PRMT3: variants seen among roughly 807,000 people sequenced by gnomAD.
PRMT3 encodes the protein protein arginine methyltransferase 3, also known as protein arginine N-methyltransferase 3.
Under a neutral mutation model 71.9 loss-of-function variants are expected in PRMT3, and 62 were observed. That is an observed-to-expected ratio of 0.86 (90% confidence interval 0.70 to 1.07). The LOEUF is 1.07. Ranked by LOEUF, PRMT3 falls within the 50% of genes least tolerant of loss-of-function variation. The pLI is 0.00. For synonymous variants in PRMT3, 213 were observed against 220.4 expected, an observed-to-expected ratio of 0.97 and a Z score of 0.30; for missense variants, 663 against 643.0, an observed-to-expected ratio of 1.03 and a Z score of -0.34.
intron 10 of PRMT3, among the ~76,000 whole-genome samples, chr11:20,432,364 A>G (rs1355516959): frequency 6.6e-6 from 1 of 152,098 alleles, no homozygotes; most frequent in Non-Finnish European, 1.5e-5. Context: ...TACAGCTTAC[A>G]TTTGTAGGCA....
intron 10 of PRMT3, among the ~76,000 whole-genome samples, chr11:20,451,512 A>G (rs949719819): frequency 6.6e-6 from 1 of 151,764 alleles, no homozygotes; most frequent in African/African-American, 2.4e-5. Flanking sequence ...TTTTAATACC[A>G]AAAAGAAAGT....
chr11:20,478,485 TG>T (rs1850850470), intron 13 of PRMT3, among the ~76,000 whole-genome samples: 1 of 151,736 alleles, frequency 6.6e-6, no homozygotes, highest in African/African-American at 2.4e-5. Flanking sequence ...AAGCAATGAT[TG>T]TACCACTGCA....
intron 4 of PRMT3, 137 bp downstream of exon 4, chr11:20,392,397 C>T: frequency 1.1e-6 from 1 of 877,582 alleles, no homozygotes; most frequent in South Asian, 1.9e-5. Context: ...GAATCACGGA[C>T]ATTAGGAGGT....
chr11:20,468,550 G>T (rs1850568401), intron 13 of PRMT3, among the ~76,000 whole-genome samples: 1 of 152,062 alleles, frequency 6.6e-6, no homozygotes, highest in African/African-American at 2.4e-5. Context: ...TGTATTTTTA[G>T]TAGAGACAGG....
chr11:20,458,951 A>G (rs1214876736), intron 11 of PRMT3, among the ~76,000 whole-genome samples: 1 of 152,132 alleles, frequency 6.6e-6, no homozygotes, highest in African/African-American at 2.4e-5. Flanking sequence ...GGTGTCACTA[A>G]TATATTACTT....
chr11:20,426,261 C>T (rs1007495220), intron 9 of PRMT3, among the ~76,000 whole-genome samples: 4 of 152,226 alleles, frequency 2.6e-5, no homozygotes, highest in South Asian at 2.1e-4. Flanking sequence ...TAAATAGGGT[C>T]GGTATTATTC....
At chr11:20,422,907 C>T (rs901830176) in intron 9 of PRMT3, among the ~76,000 whole-genome samples, 6 of 152,188 alleles carry the variant, frequency 3.9e-5, no homozygotes, top group African/African-American at 1.4e-4. Flanking sequence ...TAGAGCAAGG[C>T]TTCTTACTGT....
intron 10 of PRMT3, among the ~76,000 whole-genome samples, chr11:20,451,495 T>C (rs955637588): frequency 3.7e-5 from 5 of 134,072 alleles, no homozygotes; most frequent in Admixed American, 7.2e-5. Flanking sequence ...TTCTTTTTTG[T>C]TTTTTTTTTT....
intron 10 of PRMT3, among the ~76,000 whole-genome samples, chr11:20,443,761 G>A (rs1000426964): frequency 2.6e-5 from 4 of 152,154 alleles, no homozygotes; most frequent in Non-Finnish European, 2.9e-5. Flanking sequence ...GCAGTCTGAG[G>A]AATAGGGCCA....
intron 8 of PRMT3, among the ~76,000 whole-genome samples, chr11:20,404,211 GTT>G (rs71063629): frequency 9.3e-4 from 32 of 34,338 alleles, no homozygotes; most frequent in African/African-American, 4.3e-3. Context: ...ACTTTTCATA[GTT>G]TTTTTTTTTT....
intron 13 of PRMT3, among the ~76,000 whole-genome samples, chr11:20,466,035 A>G (rs1455357573): frequency 6.6e-6 from 1 of 152,220 alleles, no homozygotes; most frequent in Non-Finnish European, 1.5e-5. Context: ...TATCACATGA[A>G]TCAAAATAGA....
chr11:20,440,487 T>C (rs375383116), intron 10 of PRMT3, among the ~76,000 whole-genome samples: 1 of 12,072 alleles, frequency 8.3e-5, no homozygotes, highest in Non-Finnish European at 1.9e-4. Flanking sequence ...CTACTAAAAA[T>C]ACAAAAAAAA....
chr11:20,419,959 G>T lies in PRMT3; in HGVS notation c.894-6807G>T, dbSNP rs188253347. Among the ~76,000 whole-genome samples, 162 of 152,260 alleles carry T rather than the reference G, an allele frequency of 1.1e-3. 1 individual carries two copies. The highest frequency in any genetic ancestry group is 3.4e-3 in the Middle Eastern group (1 of 294). ...GGTCAAGGTAGGTGAATTACTTTAG[G>T]CCAGGAGTTCGAGACCAGCCTGAGC... On this transcript the variant is annotated intron_variant, in intron 9 of 15. Coordinates refer to ENST00000331079, the MANE Select transcript of PRMT3 (RefSeq NM_005788.4).
intron 9 of PRMT3, among the ~76,000 whole-genome samples, chr11:20,416,543 A>C (rs1490442087): frequency 6.6e-6 from 1 of 152,180 alleles, no homozygotes; most frequent in African/African-American, 2.4e-5. Flanking sequence ...TGAATGAATT[A>C]ATCAATTTTC....
intron 7 of PRMT3, among the ~76,000 whole-genome samples, chr11:20,400,897 C>A (rs1271576302): frequency 6.6e-6 from 1 of 151,238 alleles, no homozygotes; most frequent in Non-Finnish European, 1.5e-5. Flanking sequence ...GACGTGTTAG[C>A]CTTTGTTAGA....
At chr11:20,415,561 C>G (rs973896695) in intron 9 of PRMT3, among the ~76,000 whole-genome samples, 1 of 138,732 alleles carries the variant, frequency 7.2e-6, no homozygotes, top group Non-Finnish European at 1.6e-5. Flanking sequence ...ACAAGACTTT[C>G]TTTCCTCCCC....
chr11:20,499,446 C>A (rs1006438762), intron 15 of PRMT3, among the ~76,000 whole-genome samples: 4 of 152,034 alleles, frequency 2.6e-5, no homozygotes, highest in Admixed American at 2.0e-4. Context: ...CAAAGCAAGA[C>A]CCTGTCTCTA....
chr11:20,401,606 T>C (rs369490729), intron 7 of PRMT3, among the ~76,000 whole-genome samples: 2 of 152,200 alleles, frequency 1.3e-5, no homozygotes, highest in East Asian at 3.9e-4. Flanking sequence ...AATTTTGATA[T>C]TGTAGCAATT....
chr11:20,452,027 A>G (rs1360675091), intron 10 of PRMT3, 103 bp from the exon 11 acceptor site: 2 of 797,860 alleles, frequency 2.5e-6, no homozygotes, highest in Non-Finnish European at 3.7e-6. Context: ...TGGCAGAAAA[A>G]AAAATATTCT....
Sources: allele counts gnomAD v4.1 joint callset (sites outside exome capture counted in the v4.1 genomes callset), GRCh38; gene constraint gnomAD v4.1.1; transcripts MANE v1.5; gene names NCBI Gene and HGNC (gene_info 2026-07-23, HGNC 2026-07-21).